MYH9: variants seen among roughly 807,000 people sequenced by gnomAD.
The protein encoded by MYH9 is myosin heavy chain 9.
A neutral mutation model predicts 241.9 loss-of-function variants in MYH9; 29 were observed. That is an observed-to-expected ratio of 0.12 (90% confidence interval 0.09 to 0.16). MYH9 has a LOEUF of 0.16. Ranked by LOEUF, MYH9 falls within the 10% of genes least tolerant of loss-of-function variation. MYH9 has a pLI of 1.00. For missense variants in MYH9, 1,803 were observed against 2,595.5 expected, an observed-to-expected ratio of 0.69 and a Z score of 6.63; for synonymous variants, 1,047 against 1,062.6, an observed-to-expected ratio of 0.99 and a Z score of 0.29.
At position 36,299,055 on chromosome 22, in the gene MYH9, G is replaced by T; in HGVS notation, c.2977-13C>A. The T allele has an allele frequency of 6.2e-7, 1 of 1,613,902 alleles. No individual in the cohort carries two copies. On this transcript the variant is annotated splice_polypyrimidine_tract_variant and intron_variant, in intron 23 of 40. Transcript: ENST00000216181. ...GCAGTTTCTTTTCCTGGGGAGAGGG[G>T]AGTAGGCTGGCATTTAGTGTTGGTT...
chr22:36,285,046 G>T lies in MYH9; in HGVS notation c.5483+75C>A. 1 of 1,395,430 alleles carries T rather than the reference G, an allele frequency of 7.2e-7. No homozygotes were observed. The allele number at this position is 1,395,430 out of a possible 1,614,324, so 86.4% of individuals were successfully genotyped here. On this transcript the variant is annotated intron_variant, in intron 38 of 40. Transcript: ENST00000216181. This position sits in a 1 kb window ranked among gnomAD's most constrained non-coding sequence, Gnocchi z 7.0. ...GAGACAGAGAGCTGGTTGTGGCCCAGATTTGGGCAGGACTGCAGGGGGGCC... is the reference window on the plus strand; with the variant it reads ...GAGACAGAGAGCTGGTTGTGGCCCATATTTGGGCAGGACTGCAGGGGGGCC...
intron 2 of MYH9, among the ~76,000 whole-genome samples, chr22:36,344,615 T>G (rs1264140866): frequency 2.0e-5 from 3 of 152,224 alleles, no homozygotes; most frequent in African/African-American, 7.2e-5. Context: ...CAGGAGGAAC[T>G]GCACACCAGA....
At position 36,288,811 on chromosome 22, in the gene MYH9, C is replaced by G. The variant is rs1265243635; in HGVS notation, c.4686G>C (p.Leu1562=). The part of the protein sequence containing the change: ...EDAKLRLEVN[L]QAMKAQFERD... ...GCTCGAACTGGGCCTTCATGGCCTG[C>G]AGGTTGACCTCCAACCGCAGCTTGG... is the stretch of plus-strand genomic sequence containing the variant. Residue 1562 remains leucine (L), a synonymous_variant, in exon 33 of 41, where the codon CTG becomes CTC. Coordinates refer to ENST00000216181, the MANE Select transcript of MYH9 (RefSeq NM_002473.6). The surrounding 1 kb of genome is among the most constrained non-coding windows in gnomAD (Gnocchi z 4.8). 6.2e-7 allele frequency: 1 copy of G among 1,613,280 alleles called. No individual in the cohort carries two copies. The highest frequency in any genetic ancestry group is 8.5e-7 in the Non-Finnish European group (1 of 1,180,022).
At chr22:36,374,624 G>A (rs1033578589) in intron 1 of MYH9, among the ~76,000 whole-genome samples, 3 of 152,202 alleles carry the variant, frequency 2.0e-5, no homozygotes, top group African/African-American at 7.2e-5. Flanking sequence ...AGAAAAACAT[G>A]CTGGCCACAC....
At chr22:36,370,201 G>A (rs1039611554) in intron 1 of MYH9, among the ~76,000 whole-genome samples, 21 of 152,216 alleles carry the variant, frequency 1.4e-4, no homozygotes, top group African/African-American at 5.1e-4. Context: ...AGGGCCTGCA[G>A]GTGGGAGAAC....
intron 25 of MYH9, among the ~76,000 whole-genome samples, 155 bp downstream of exon 25, chr22:36,296,688 G>A (rs1346876976): frequency 6.6e-6 from 1 of 152,054 alleles, no homozygotes; most frequent in East Asian, 1.9e-4. Flanking sequence ...TGCCCTGAGT[G>A]CACAAGAACT....
intron 1 of MYH9, among the ~76,000 whole-genome samples, chr22:36,373,758 T>G (rs913582057): frequency 2.0e-5 from 3 of 152,224 alleles, no homozygotes; most frequent in Non-Finnish European, 4.4e-5. Flanking sequence ...TGAATGAATT[T>G]CCAAGACTCA....
At position 36,348,850 on chromosome 22, in the gene MYH9, C is replaced by A. The variant is rs900566031; in HGVS notation, c.333+54G>T. On this transcript the variant is annotated intron_variant, in intron 2 of 40. Coordinates refer to ENST00000216181, the MANE Select transcript of MYH9 (RefSeq NM_002473.6). The stretch of plus-strand genomic sequence containing the variant: ...GGTGATGGGAAGACCCGCCCCCCCC[C>A]CCCACCTCGGAGCCCTCAGACCCAG... The A allele has an allele frequency of 6.4e-6, 7 of 1,092,296 alleles. 1 individual carries two copies. The highest frequency in any genetic ancestry group is 4.5e-5 in the African/African-American group (3 of 66,614). 67.7% of individuals were successfully genotyped at this position (1,092,296 alleles called of 1,614,324 possible).
At chr22:36,342,710 G>C (rs1041712975) in intron 2 of MYH9, among the ~76,000 whole-genome samples, 1 of 151,886 alleles carries the variant, frequency 6.6e-6, no homozygotes, top group Admixed American at 6.5e-5. Flanking sequence ...GTTGGGGAAC[G>C]CAACCCTCTT....
intron 13 of MYH9, among the ~76,000 whole-genome samples, chr22:36,313,248 G>C (rs1362710492): frequency 2.0e-5 from 3 of 151,800 alleles, no homozygotes; most frequent in African/African-American, 4.8e-5. Context: ...CAAATCATGA[G>C]GTCAGGAGAT....
In MYH9 at chr22:36,300,633, T is replaced by C. The variant is rs1258826606; in HGVS notation, c.2838+218A>G. Among the ~76,000 whole-genome samples the C allele has an allele frequency of 5.3e-5, 8 of 152,164 alleles. No individual in the cohort carries two copies. The highest frequency in any genetic ancestry group is 1.2e-4 in the Non-Finnish European group (8 of 68,034). On this transcript the variant is annotated intron_variant, in intron 22 of 40. Transcript: ENST00000216181. This position sits in a 1 kb window ranked among gnomAD's most constrained non-coding sequence, Gnocchi z 5.0. ...TAATGGCAGGGAAATCAAATTGGCC[T>C]TGATGCTGGCCCAGGCAGTGCTCAT...
intron 1 of MYH9, among the ~76,000 whole-genome samples, chr22:36,357,064 G>A (rs1391565510): frequency 6.6e-6 from 1 of 152,236 alleles, no homozygotes; most frequent in Non-Finnish European, 1.5e-5. Context: ...ACATAATGAT[G>A]AGACAGGACA....
At chr22:36,357,590 A>G (rs115238843) in intron 1 of MYH9, among the ~76,000 whole-genome samples, 4,575 of 152,158 alleles carry the variant, frequency 0.03, 235 homozygotes, top group African/African-American at 0.1. Context: ...GACAAATCAC[A>G]CCCGGTTGAG....
intron 14 of MYH9, 134 bp downstream of exon 14, chr22:36,311,915 A>G (rs2017070201): frequency 1.0e-6 from 1 of 990,550 alleles, no homozygotes; most frequent in East Asian, 2.5e-5. Flanking sequence ...TTACTGGGTG[A>G]GTCATTGTGC....
Position 36,305,924 on chromosome 22 carries a change from G to C in MYH9, c.2159+6C>G. 1.2e-6 allele frequency: 2 copies of C among 1,612,876 alleles called. No individual in the cohort carries two copies. Among genetic ancestry groups the C allele is most frequent in the Non-Finnish European group, 1.7e-6 (2 of 1,179,890 alleles). On this transcript the variant is annotated splice_donor_region_variant and intron_variant, in intron 17 of 40. Transcript: ENST00000216181. The surrounding 1 kb of genome is among the most constrained non-coding windows in gnomAD (Gnocchi z 4.7). ...CAGGAGAAGCGGGCTCCGGGCCCTG[G>C]CTCACCTCTGCCGAAACTCCTGGAA...
chr22:36,369,847 T>G (rs1188586165), intron 1 of MYH9, among the ~76,000 whole-genome samples: 2 of 152,216 alleles, frequency 1.3e-5, no homozygotes, highest in Non-Finnish European at 2.9e-5. Flanking sequence ...ATTCACTTGC[T>G]ACCTGGGGCT....
intron 10 of MYH9, among the ~76,000 whole-genome samples, chr22:36,318,953 G>C (rs1332334373): frequency 6.6e-6 from 1 of 151,976 alleles, no homozygotes; most frequent in African/African-American, 2.4e-5. Flanking sequence ...TAATAGAGAT[G>C]GGGTTTCACA....
rs920188637 is a variant in MYH9, at chr22:36,330,482, T to C, written c.491-2994A>G. On this transcript the variant is annotated intron_variant, in intron 3 of 40. Transcript: ENST00000216181. The surrounding 1 kb of genome is among the most constrained non-coding windows in gnomAD (Gnocchi z 4.5). ...ATTGTAATGTACAAAGCAGGTATTATCATCATTGTTTTGCCATCTTTCCAC... is the reference window on the plus strand; with the variant it reads ...ATTGTAATGTACAAAGCAGGTATTACCATCATTGTTTTGCCATCTTTCCAC... 9.2e-5 allele frequency among the ~76,000 whole-genome samples: 14 copies of C among 152,208 alleles called. No individual in the cohort carries two copies. Among genetic ancestry groups the C allele is most frequent in the Non-Finnish European group, 2.1e-4 (14 of 68,020 alleles).
intron 19 of MYH9, among the ~76,000 whole-genome samples, chr22:36,303,580 C>T (rs541849653): frequency 1.2e-3 from 178 of 151,812 alleles, no homozygotes; most frequent in African/African-American, 3.8e-3. Context: ...GTCAGGAGTT[C>T]GAGACCAGCC....
Sources: allele counts gnomAD v4.1 joint callset (sites outside exome capture counted in the v4.1 genomes callset), GRCh38; gene constraint gnomAD v4.1.1; non-coding constraint Gnocchi (gnomAD v3.1); transcripts MANE v1.5; gene names NCBI Gene and HGNC (gene_info 2026-07-23, HGNC 2026-07-21).